Variants in ST8SIA6 observed in about 807,000 individuals in gnomAD.
ST8SIA6 encodes ST8 alpha-N-acetyl-neuraminide alpha-2,8-sialyltransferase 6.
In ST8SIA6, 39 loss-of-function variants were observed where a neutral mutation model predicts 33.6. That is an observed-to-expected ratio of 1.16 (90% confidence interval 0.90 to 1.52). ST8SIA6 has a LOEUF of 1.52. ST8SIA6 is among the 40% of genes most tolerant of loss of function. The pLI, the probability that ST8SIA6 is intolerant of heterozygous loss-of-function variation, is 0.00. For synonymous variants in ST8SIA6, 172 were observed against 167.2 expected (o/e 1.03, Z -0.22); for missense variants, 441 against 443.8 (o/e 0.99, Z 0.06).
At chr10:17,436,507 T>A in intron 2 of ST8SIA6, among the ~76,000 whole-genome samples, 1 of 149,068 alleles carries the variant, frequency 6.7e-6, no homozygotes, top group Non-Finnish European at 1.5e-5. Context: ...TCTCTCCTAA[T>A]GCTATCCCTC....
chr10:17,373,105 T>C (rs1849787804), intron 3 of ST8SIA6, among the ~76,000 whole-genome samples: 1 of 152,214 alleles, frequency 6.6e-6, no homozygotes. Context: ...ACAGGAGCTA[T>C]CAGGCAATTT....
rs753810111 is a variant in ST8SIA6 at position 17,390,536 on chromosome 10, C to T, written c.285G>A (p.Thr95=). The change falls in exon 3 of 8, where the codon ACG becomes ACA. Residue 95 remains threonine, a synonymous_variant. Transcript: ENST00000377602. The part of the protein sequence containing the change: ...QYGIESFSNK[T]KGYSENDYLQ... ...ATGTGAAGAGTAGAACTTACCCTTT[C>T]GTTTTGTTAGAGAAAGACTCAATGC... 1.5e-4 allele frequency: 236 copies of T among 1,611,072 alleles called. No homozygotes were observed. Among genetic ancestry groups the T allele is most frequent in the East Asian group, 2.0e-4 (9 of 44,870 alleles).
intron 2 of ST8SIA6, among the ~76,000 whole-genome samples, chr10:17,433,537 G>A (rs61844064): frequency 0.039 from 5,898 of 152,250 alleles, 166 homozygotes; most frequent in South Asian, 0.055. Context: ...CTGGGTCCAT[G>A]GTAGGCACTT....
intron 2 of ST8SIA6, among the ~76,000 whole-genome samples, chr10:17,415,218 A>C (rs1851565386): frequency 6.6e-6 from 1 of 152,160 alleles, no homozygotes; most frequent in African/African-American, 2.4e-5. Context: ...AGCTTCTGGG[A>C]CTCAGAAAAT....
intron 5 of ST8SIA6, among the ~76,000 whole-genome samples, chr10:17,327,494 G>A (rs2131580644): frequency 6.6e-6 from 1 of 152,312 alleles, no homozygotes; most frequent in African/African-American, 2.4e-5. Flanking sequence ...GGCTGAGGCG[G>A]AGAATTGCTT....
chr10:17,375,856 T>C (rs1849897553), intron 3 of ST8SIA6, among the ~76,000 whole-genome samples: 1 of 152,154 alleles, frequency 6.6e-6, no homozygotes, highest in African/African-American at 2.4e-5. Flanking sequence ...AAGATTGCTG[T>C]TGTTTAAAAA....
Position 17,418,993 on chromosome 10 carries a change from C to CAAAAAA in ST8SIA6, c.201-28379_201-28374dup, listed in dbSNP as rs910044275. ...GGGCAATAAGAGCAAGGCTCCATCT[C>CAAAAAA]AAAAAAAAAAAAAAAAAAAAAAGAA... On this transcript the variant is annotated intron_variant, in intron 2 of 7. Coordinates refer to ENST00000377602, the MANE Select transcript of ST8SIA6 (RefSeq NM_001004470.3). Among the ~76,000 whole-genome samples, 244 of 56,004 alleles carry CAAAAAA rather than the reference C, an allele frequency of 4.4e-3. 4 individuals are homozygous for CAAAAAA. The highest frequency in any genetic ancestry group is 6.0e-3 in the East Asian group (12 of 1,998). The allele number at this position is 56,004 out of a possible 152,430, so 36.7% of individuals were successfully genotyped here.
chr10:17,434,412 C>T (rs1223578274), intron 2 of ST8SIA6, among the ~76,000 whole-genome samples: 1 of 152,174 alleles, frequency 6.6e-6, no homozygotes, highest in Admixed American at 6.5e-5. Flanking sequence ...AAGATAAGAG[C>T]ACAGGTTTCC....
chr10:17,320,932 T>C lies in ST8SIA6; in HGVS notation c.1143A>G (p.Gln381=). Residue 381 remains glutamine, a synonymous_variant, in exon 8 of 8, where the codon CAA becomes CAG. Transcript: ENST00000377602. ...GTTTGAGGATTCCTTTCATGTGAAG[T>C]TGGAGGATCTGGCTGTATTCTTTGG... ...QMPKEYSQIL[Q]LHMKGILKLQ... 1.2e-6 allele frequency: 2 copies of C among 1,614,074 alleles called. No individual in the cohort carries two copies. The highest frequency in any genetic ancestry group is 1.3e-5 in the African/African-American group (1 of 75,036).
At chr10:17,336,841 C>G (rs986387392) in intron 4 of ST8SIA6, among the ~76,000 whole-genome samples, 10 of 152,096 alleles carry the variant, frequency 6.6e-5, no homozygotes, top group Admixed American at 2.0e-4. Context: ...TGATCCACCC[C>G]CCTCGGCCTC....
intron 2 of ST8SIA6, among the ~76,000 whole-genome samples, chr10:17,421,732 TA>T (rs200411218): frequency 1.5e-4 from 23 of 150,232 alleles, no homozygotes; most frequent in African/African-American, 3.9e-4. Context: ...CCTTCTAATT[TA>T]AAAAAAAAAT....
At chr10:17,422,256 T>C (rs1443277651) in intron 2 of ST8SIA6, among the ~76,000 whole-genome samples, 1 of 152,198 alleles carries the variant, frequency 6.6e-6, no homozygotes, top group African/African-American at 2.4e-5. Flanking sequence ...TCAACTGTTC[T>C]AAAACGTTTG....
At chr10:17,377,594 G>A (rs1849960272) in intron 3 of ST8SIA6, among the ~76,000 whole-genome samples, 1 of 152,082 alleles carries the variant, frequency 6.6e-6, no homozygotes, top group Non-Finnish European at 1.5e-5. Flanking sequence ...AAGAATTATG[G>A]CACAAAAGAC....
intron 5 of ST8SIA6, among the ~76,000 whole-genome samples, chr10:17,330,628 T>A (rs1272391860): frequency 6.6e-6 from 1 of 152,216 alleles, no homozygotes; most frequent in Admixed American, 6.5e-5. Flanking sequence ...ACTGTAAGAA[T>A]CTCATATCCT....
rs547622459 is a variant in ST8SIA6 at position 17,397,501 on chromosome 10, C to G, written c.201-6881G>C. On this transcript the variant is annotated intron_variant, in intron 2 of 7. Coordinates refer to ENST00000377602, the MANE Select transcript of ST8SIA6 (RefSeq NM_001004470.3). ...CCGCCCGCCTCGGCCTCCCAAAGTG[C>G]TGGGATTACAGGCGTGAGCCACCGC... Among the ~76,000 whole-genome samples, 191 of 152,284 alleles carry G rather than the reference C, an allele frequency of 1.3e-3. 1 individual carries two copies. The highest frequency in any genetic ancestry group is 2.8e-4 in the Non-Finnish European group (19 of 68,020).
In ST8SIA6 at chr10:17,390,593, T is replaced by C. The variant is rs368526730; in HGVS notation, c.228A>G (p.Gln76=). 8.1e-6 allele frequency: 13 copies of C among 1,613,872 alleles called. No homozygotes were observed. Among genetic ancestry groups the C allele is most frequent in the Non-Finnish European group, 1.1e-5 (13 of 1,179,928 alleles). ...NSTYLNEKSL[Q]LTEKCKNLQY... is the part of the protein sequence containing the mutation. ...GCAGATTTTTGCATTTCTCCGTCAGTTGGAGCGACTTCTCATTCAGATATG... is the reference window on the plus strand; with the variant it reads ...GCAGATTTTTGCATTTCTCCGTCAGCTGGAGCGACTTCTCATTCAGATATG... The change falls in exon 3 of 8, where the codon CAA becomes CAG. Residue 76 remains glutamine, a synonymous_variant. Transcript: ENST00000377602.
intron 2 of ST8SIA6, among the ~76,000 whole-genome samples, chr10:17,423,774 A>C (rs1026207009): frequency 1.3e-5 from 2 of 152,240 alleles, no homozygotes; most frequent in Non-Finnish European, 2.9e-5. Flanking sequence ...GATGGGCCCC[A>C]AAATACATAG....
chr10:17,355,184 A>G (rs1336941152), intron 4 of ST8SIA6, among the ~76,000 whole-genome samples: 2 of 152,198 alleles, frequency 1.3e-5, no homozygotes, highest in East Asian at 3.9e-4. Context: ...CTTAGCATTT[A>G]TATTTTCCCC....
chr10:17,452,065 G>A (rs1392588003), intron 2 of ST8SIA6, among the ~76,000 whole-genome samples: 2 of 152,190 alleles, frequency 1.3e-5, no homozygotes, highest in Non-Finnish European at 2.9e-5. Context: ...ACCCTCGAAT[G>A]TGTAATAGCC....
Sources: allele counts gnomAD v4.1 joint callset (sites outside exome capture counted in the v4.1 genomes callset), GRCh38; gene constraint gnomAD v4.1.1; transcripts MANE v1.5; gene names NCBI Gene and HGNC (gene_info 2026-07-23, HGNC 2026-07-21).